CDH4: variants seen among roughly 807,000 people sequenced by gnomAD.
CDH4 encodes cadherin 4.
A neutral mutation model predicts 86.0 loss-of-function variants in CDH4; 33 were observed. The ratio of observed to expected loss-of-function variants is 0.38; its 90% CI spans 0.29 to 0.51. The LOEUF is 0.51. CDH4 is among the 20% of genes least tolerant of loss of function. CDH4 has a pLI of 0.86. For missense variants in CDH4, 1,114 were observed against 1,307.4 expected (o/e 0.85, Z 2.28); for synonymous variants, 555 against 549.4 (o/e 1.01, Z -0.14).
intron 1 of CDH4, among the ~76,000 whole-genome samples, chr20:61,253,273 G>A (rs997011081): frequency 6.6e-6 from 1 of 150,648 alleles, no homozygotes; most frequent in African/African-American, 2.4e-5. Flanking sequence ...GGCGCGGCGC[G>A]GGAGGGCGCC....
chr20:61,925,561 G>A (rs2055036384), intron 11 of CDH4, among the ~76,000 whole-genome samples: 1 of 152,244 alleles, frequency 6.6e-6, no homozygotes, highest in Non-Finnish European at 1.5e-5. Context: ...CCGAGTACCG[G>A]CCGAGTGCCT....
chr20:61,316,213 G>T (rs933188796), intron 2 of CDH4, among the ~76,000 whole-genome samples: 1 of 152,170 alleles, frequency 6.6e-6, no homozygotes, highest in African/African-American at 2.4e-5. Flanking sequence ...CCAAACAGAA[G>T]GGCAATTTTG....
At chr20:61,311,458 A>G (rs958759571) in intron 2 of CDH4, among the ~76,000 whole-genome samples, 5 of 152,254 alleles carry the variant, frequency 3.3e-5, no homozygotes, top group Non-Finnish European at 7.3e-5. Flanking sequence ...TGGTGAGAAC[A>G]ATGCAAATTA....
intron 2 of CDH4, among the ~76,000 whole-genome samples, chr20:61,405,844 C>G (rs1349884367): frequency 1.3e-5 from 2 of 152,136 alleles, no homozygotes; most frequent in Non-Finnish European, 2.9e-5. Flanking sequence ...TCACGCCCAG[C>G]TAATTTTTTG....
chr20:61,539,735 TC>T (rs974902179), intron 2 of CDH4, among the ~76,000 whole-genome samples: 2 of 151,760 alleles, frequency 1.3e-5, no homozygotes, highest in Non-Finnish European at 1.5e-5. Context: ...CCTGGTGGTG[TC>T]CCCCCCAAGC....
intron 2 of CDH4, among the ~76,000 whole-genome samples, chr20:61,527,255 CTT>C (rs112861416): frequency 3.4e-5 from 5 of 146,330 alleles, no homozygotes; most frequent in Non-Finnish European, 3.0e-5. Context: ...AACATAAGAG[CTT>C]TTTTTTTTTT....
chr20:61,330,472 T>A (rs1391976573), intron 2 of CDH4, among the ~76,000 whole-genome samples: 2 of 152,250 alleles, frequency 1.3e-5, no homozygotes, highest in African/African-American at 2.4e-5. Flanking sequence ...ATCAGTGATG[T>A]TGAGCTTAGG....
At position 61,811,482 on chromosome 20, in the gene CDH4, A is replaced by C. The variant is rs1980432088; in HGVS notation, c.577-33186A>C. On this transcript the variant is annotated intron_variant, in intron 4 of 15. Transcript: ENST00000614565. The surrounding 1 kb of genome is among the most constrained non-coding windows in gnomAD (Gnocchi z 4.4). The stretch of plus-strand genomic sequence containing the variant: ...GTATGCTTTTGCCATGAGGAAAGGA[A>C]GCTCATTTCAGAGCAGTGGAATCAA... Among the ~76,000 whole-genome samples the C allele has an allele frequency of 6.6e-6, 1 of 152,206 alleles. No individual in the cohort carries two copies. The highest frequency in any genetic ancestry group is 1.9e-4 in the East Asian group (1 of 5,184).
chr20:61,626,990 C>T (rs924013110), intron 2 of CDH4, among the ~76,000 whole-genome samples: 4 of 152,064 alleles, frequency 2.6e-5, no homozygotes, highest in Admixed American at 6.5e-5. Context: ...CTGGCTCACA[C>T]GGTGGCAAGA....
intron 2 of CDH4, among the ~76,000 whole-genome samples, chr20:61,504,625 G>A (rs1212150125): frequency 6.6e-6 from 1 of 152,216 alleles, no homozygotes; most frequent in African/African-American, 2.4e-5. Flanking sequence ...TCAGCAGAGC[G>A]GAGGATCCAG....
rs546736298 is a variant in CDH4 at position 61,719,515 on chromosome 20, G to C, written c.170-24048G>C. ...TTCTTCCCCTCCCAACCCAAAGAGA[G>C]ATAATTTCTCGGGAGTCTTTATCTC... On this transcript the variant is annotated intron_variant, in intron 2 of 15. Coordinates refer to ENST00000614565, the MANE Select transcript of CDH4 (RefSeq NM_001794.5). The C allele has an allele frequency of 7.3e-4, 153 of 209,078 alleles. 4 individuals carry two copies. In the South Asian group the frequency reaches 0.013, roughly 17 times the overall value. 13.0% of individuals were successfully genotyped at this position (209,078 alleles called of 1,614,324 possible). A position where few individuals can be genotyped will look rare whatever the true frequency, so the allele number is the denominator to read the frequency against.
rs11905513 is a variant in CDH4 at position 61,927,749 on chromosome 20, C to A, written c.1772-441C>A. Reference sequence around the variant, plus strand: ...CCCTGGCTCCCCAGTGGGAGTGAGTCCCCGGTGCGTGGCTGTGACCTCCGT... The same window carrying A: ...CCCTGGCTCCCCAGTGGGAGTGAGTACCCGGTGCGTGGCTGTGACCTCCGT... On this transcript the variant is annotated intron_variant, in intron 11 of 15. Transcript: ENST00000614565. Among the ~76,000 whole-genome samples, 463 of 152,366 alleles carry A rather than the reference C, an allele frequency of 3.0e-3. 2 individuals are homozygous for A. The highest frequency in any genetic ancestry group is 0.01 in the African/African-American group (428 of 41,596).
At chr20:61,345,912 C>G (rs1475299466) in intron 2 of CDH4, among the ~76,000 whole-genome samples, 1 of 152,198 alleles carries the variant, frequency 6.6e-6, no homozygotes, top group Non-Finnish European at 1.5e-5. Flanking sequence ...GTCTTCTATT[C>G]GATCAATGTT....
At chr20:61,914,666 G>A (rs1471470127) in intron 9 of CDH4, among the ~76,000 whole-genome samples, 7 of 152,076 alleles carry the variant, frequency 4.6e-5, no homozygotes, top group Admixed American at 3.3e-4. Context: ...CTGGTACCCC[G>A]CATCTCCCAC....
intron 2 of CDH4, among the ~76,000 whole-genome samples, chr20:61,471,063 G>A (rs1246537981): frequency 1.3e-5 from 2 of 151,932 alleles, no homozygotes; most frequent in African/African-American, 4.8e-5. Context: ...TAATGAGTTT[G>A]GAAGTATCCC....
intron 9 of CDH4, among the ~76,000 whole-genome samples, chr20:61,916,460 C>T (rs1335016634): frequency 6.6e-6 from 1 of 152,236 alleles, no homozygotes; most frequent in Non-Finnish European, 1.5e-5. Context: ...TGATTTGGCA[C>T]AGTGCCCGGC....
chr20:61,643,031 G>C (rs1444457419), intron 2 of CDH4, among the ~76,000 whole-genome samples: 1 of 152,146 alleles, frequency 6.6e-6, no homozygotes, highest in African/African-American at 2.4e-5. Flanking sequence ...ATGTGTCTTA[G>C]TCCATTTTCA....
intron 2 of CDH4, among the ~76,000 whole-genome samples, chr20:61,664,620 G>A (rs1277163905): frequency 3.3e-5 from 5 of 152,212 alleles, no homozygotes; most frequent in South Asian, 2.1e-4. Context: ...ACCCTCACAC[G>A]AACACTTCTA....
intron 2 of CDH4, among the ~76,000 whole-genome samples, chr20:61,532,600 A>T (rs1411584272): frequency 1.3e-5 from 2 of 152,198 alleles, no homozygotes; most frequent in Admixed American, 1.3e-4. Context: ...GCAAGCAGCG[A>T]GTCTGTGAAA....
Sources: gnomAD v4.1 joint callset for allele counts (sites outside exome capture counted in the v4.1 genomes callset) on GRCh38, gnomAD v4.1.1 for gene constraint, Gnocchi (gnomAD v3.1) non-coding constraint, MANE v1.5 for transcripts, NCBI Gene and HGNC (gene_info 2026-07-23, HGNC 2026-07-21) for gene names.